SLC49A4: variants seen among roughly 807,000 people sequenced by gnomAD.
The protein encoded by SLC49A4 is disrupted in renal cancer protein 2.
Under a neutral mutation model 50.6 loss-of-function variants are expected in SLC49A4, and 36 were observed. That is an observed-to-expected ratio of 0.71 (90% CI 0.55 to 0.94). The LOEUF (loss-of-function observed/expected upper bound fraction) is 0.94, where lower values mean the gene tolerates loss of function less well. Ranked by LOEUF, SLC49A4 falls within the 40% of genes least tolerant of loss-of-function variation. SLC49A4 has a pLI of 0.00. For synonymous variants in SLC49A4, 248 were observed against 241.2 expected (o/e 1.03, Z -0.26); for missense variants, 503 against 605.7 (o/e 0.83, Z 1.78).
At chr3:122,849,192 T>G (rs1005684545) in intron 5 of SLC49A4, among the ~76,000 whole-genome samples, 2 of 152,258 alleles carry the variant, frequency 1.3e-5, no homozygotes, top group African/African-American at 2.4e-5. Flanking sequence ...TGATATTTTC[T>G]TGATGCATTC....
At chr3:122,863,716 C>T (rs749489189) in intron 7 of SLC49A4, among the ~76,000 whole-genome samples, 1 of 152,112 alleles carries the variant, frequency 6.6e-6, no homozygotes, top group Non-Finnish European at 1.5e-5. Context: ...AGGAAAATAT[C>T]TAGTCTTTTT....
At position 122,879,379 on chromosome 3, in the gene SLC49A4, T is replaced by C; in HGVS notation, c.*1T>C. On this transcript the variant is annotated 3_prime_UTR_variant, in exon 9 of 9. Transcript: ENST00000261038. The stretch of plus-strand genomic sequence containing the variant: ...TCTTGATGTGGTTGTCTCCGTTTAA[T>C]AGCACAGACTTGAAGGAGTTTAAAA... 1.2e-6 allele frequency: 2 copies of C among 1,608,154 alleles called. No individual in the cohort carries two copies. Among genetic ancestry groups the C allele is most frequent in the South Asian group, 1.1e-5 (1 of 90,910 alleles).
intron 7 of SLC49A4, among the ~76,000 whole-genome samples, chr3:122,866,222 T>G (rs1482721381): frequency 1.5e-5 from 2 of 134,712 alleles, no homozygotes; most frequent in African/African-American, 5.5e-5. Flanking sequence ...TTTTTTTTTT[T>G]GTAGAGATGG....
chr3:122,875,892 T>C (rs2107585567), intron 8 of SLC49A4, among the ~76,000 whole-genome samples: 1 of 152,290 alleles, frequency 6.6e-6, no homozygotes, highest in South Asian at 2.1e-4. Context: ...TTGCAGTCAT[T>C]GAGGGCAAAT....
At position 122,879,522 on chromosome 3, in the gene SLC49A4, A is replaced by G; in HGVS notation, c.*144A>G. 1.6e-6 allele frequency: 1 copy of G among 626,634 alleles called. No individual in the cohort carries two copies. The highest frequency in any genetic ancestry group is 2.1e-5 in the South Asian group (1 of 47,674). The allele number at this position is 626,634 out of a possible 1,614,324, so 38.8% of individuals were successfully genotyped here. A position where few individuals can be genotyped will look rare whatever the true frequency, so the allele number is the denominator to read the frequency against. ...GTTTTGTTAGGTTACAGATTATCACATTAATTTAATTACTACTAGGTAATA... is the reference window on the plus strand; with the variant it reads ...GTTTTGTTAGGTTACAGATTATCACGTTAATTTAATTACTACTAGGTAATA... On this transcript the variant is annotated 3_prime_UTR_variant, in exon 9 of 9. Coordinates refer to ENST00000261038, the MANE Select transcript of SLC49A4 (RefSeq NM_032839.3).
intron 5 of SLC49A4, 141 bp downstream of exon 5, chr3:122,846,012 G>A: frequency 2.3e-6 from 1 of 442,874 alleles, no homozygotes; most frequent in South Asian, 7.3e-5. Context: ...AGATCTTTAT[G>A]GAATAGGTAA....
chr3:122,846,416 A>C (rs1936851222), intron 5 of SLC49A4, among the ~76,000 whole-genome samples: 1 of 152,222 alleles, frequency 6.6e-6, no homozygotes, highest in South Asian at 2.1e-4. Flanking sequence ...TGAGTAAAAA[A>C]AAAAAAATTT....
At chr3:122,860,907 G>T (rs1289011155) in intron 7 of SLC49A4, among the ~76,000 whole-genome samples, 1 of 152,156 alleles carries the variant, frequency 6.6e-6, no homozygotes, top group Non-Finnish European at 1.5e-5. Context: ...ACAGACTCTA[G>T]GGAAGAATCT....
At chr3:122,867,764 G>A (rs570735036) in intron 7 of SLC49A4, among the ~76,000 whole-genome samples, 36 of 152,140 alleles carry the variant, frequency 2.4e-4, no homozygotes, top group Non-Finnish European at 4.0e-4. Flanking sequence ...GGCGGATCAC[G>A]AGGTCAGGAG....
intron 5 of SLC49A4, among the ~76,000 whole-genome samples, chr3:122,854,355 G>A (rs1347734379): frequency 3.9e-5 from 6 of 152,258 alleles, no homozygotes; most frequent in Non-Finnish European, 8.8e-5. Context: ...CCTGGGAGAA[G>A]TAGACCTCCA....
intron 2 of SLC49A4, among the ~76,000 whole-genome samples, chr3:122,823,705 A>G (rs1936484381): frequency 1.3e-5 from 2 of 152,220 alleles, no homozygotes; most frequent in South Asian, 4.1e-4. Flanking sequence ...ATGATGTCTT[A>G]GGGTCAATAT....
Position 122,872,520 on chromosome 3 carries a change from T to A in SLC49A4, c.1244T>A (p.Ile415Asn). The A allele has an allele frequency of 6.2e-7, 1 of 1,613,054 alleles. No homozygotes were observed. The highest frequency in any genetic ancestry group is 8.5e-7 in the Non-Finnish European group (1 of 1,179,010). The change falls in exon 8 of 9, where the codon ATT (isoleucine) becomes AAT (asparagine). Residue 415 changes from isoleucine to asparagine, a missense_variant. Physicochemically the swap from Ile to Asn is moderately radical, Grantham distance 149. Coordinates refer to ENST00000261038, the MANE Select transcript of SLC49A4 (RefSeq NM_032839.3). Reference protein sequence around the residue: ...VETVYPVPEGITCGVVTFLSN... With the variant: ...VETVYPVPEGNTCGVVTFLSN... The stretch of plus-strand genomic sequence containing the variant: ...ACTGTCTACCCAGTTCCAGAAGGAA[T>A]TACTTGTGGAGTTGTCACTTTTTTA...
chr3:122,839,412 T>C (rs995242727), intron 4 of SLC49A4, among the ~76,000 whole-genome samples: 1 of 152,108 alleles, frequency 6.6e-6, no homozygotes, highest in Admixed American at 6.6e-5. Flanking sequence ...ACAAAAAGTT[T>C]CTGTACAGCA....
chr3:122,824,772 G>A (rs148461103), intron 2 of SLC49A4, among the ~76,000 whole-genome samples: 4,682 of 112,980 alleles, frequency 0.041, 112 homozygotes, highest in Middle Eastern at 0.14. Flanking sequence ...TTGCTCTGTC[G>A]CCCAGGCTGT....
chr3:122,813,781 C>G (rs1397349431), intron 2 of SLC49A4, among the ~76,000 whole-genome samples: 4 of 152,080 alleles, frequency 2.6e-5, no homozygotes, highest in Non-Finnish European at 4.4e-5. Context: ...TTTAAAAAAT[C>G]AGGATTATTT....
intron 3 of SLC49A4, among the ~76,000 whole-genome samples, chr3:122,832,290 T>C (rs961848405): frequency 1.3e-5 from 2 of 152,160 alleles, no homozygotes; most frequent in Admixed American, 6.5e-5. Flanking sequence ...TCTACAAAAT[T>C]GGACACAGTT....
intron 5 of SLC49A4, among the ~76,000 whole-genome samples, chr3:122,855,233 C>T (rs1936971801): frequency 6.6e-6 from 1 of 152,146 alleles, no homozygotes; most frequent in Admixed American, 6.5e-5. Flanking sequence ...GTAACTATTT[C>T]CGAGCAGGGA....
intron 5 of SLC49A4, 60 bp downstream of exon 5, chr3:122,845,931 T>C (rs1299089548): frequency 1.6e-6 from 2 of 1,235,574 alleles, no homozygotes; most frequent in African/African-American, 1.5e-5. Flanking sequence ...TTATAAATAC[T>C]GGTTACGTGT....
intron 1 of SLC49A4, among the ~76,000 whole-genome samples, chr3:122,795,836 C>T (rs1377906198): frequency 6.6e-6 from 1 of 152,202 alleles, no homozygotes; most frequent in Non-Finnish European, 1.5e-5. Context: ...CATCCCCGTG[C>T]ACGTGCGGTG....
Sources: gnomAD v4.1 joint callset for allele counts (sites outside exome capture counted in the v4.1 genomes callset) on GRCh38, gnomAD v4.1.1 for gene constraint, MANE v1.5 for transcripts, NCBI Gene and HGNC (gene_info 2026-07-23, HGNC 2026-07-21) for gene names.